The following AGMO variants were observed in gnomAD, a reference collection of about 807,000 sequenced individuals.
AGMO encodes glyceryl-ether monooxygenase.
In AGMO, 75 loss-of-function variants were observed where a neutral mutation model predicts 60.2. That is an observed-to-expected ratio of 1.25 (90% CI 1.03 to 1.51). The LOEUF (loss-of-function observed/expected upper bound fraction) is 1.51. Among genes scored for constraint, AGMO ranks in the 40% most tolerant of loss-of-function variants. AGMO has a pLI of 0.00. For synonymous variants in AGMO, 261 were observed against 177.1 expected (o/e 1.47, Z -3.76); for missense variants, 763 against 525.5 (o/e 1.45, Z -4.42).
intron 12 of AGMO, chr7:15,358,389 G>T: frequency 2.1e-6 from 1 of 471,106 alleles, no homozygotes; most frequent in Non-Finnish European, 4.4e-6. Context: ...ACGTGGAAAG[G>T]ATAATAAGAA....
chr7:15,401,050 C>T (rs554106270), intron 5 of AGMO, among the ~76,000 whole-genome samples: 1 of 152,076 alleles, frequency 6.6e-6, no homozygotes, highest in East Asian at 1.9e-4. Flanking sequence ...AAATTGATAA[C>T]CTATGTACAT....
At chr7:15,425,804 TA>T (rs1409295669) in intron 4 of AGMO, among the ~76,000 whole-genome samples, 10 of 152,172 alleles carry the variant, frequency 6.6e-5, no homozygotes, top group African/African-American at 2.4e-4. Context: ...TAATATGTTA[TA>T]AACATACTGT....
At chr7:15,298,127 T>C (rs568305957) in intron 12 of AGMO, among the ~76,000 whole-genome samples, 1 of 152,314 alleles carries the variant, frequency 6.6e-6, no homozygotes, top group East Asian at 1.9e-4. Flanking sequence ...TTTGTTTATC[T>C]TTAAAACTGA....
intron 12 of AGMO, among the ~76,000 whole-genome samples, chr7:15,301,616 T>C (rs149547344): frequency 2.0e-5 from 3 of 152,126 alleles, no homozygotes; most frequent in Non-Finnish European, 2.9e-5. Flanking sequence ...AGCAAAAGCA[T>C]AGGAATGCTA....
chr7:15,139,880 C>T, the AGMO span, among the ~76,000 whole-genome samples: 409 of 148,646 alleles, frequency 2.8e-3, 1 homozygote, highest in Admixed American at 0.016. Flanking sequence ...CACTTTCCTG[C>T]CATTAGTCAG....
chr7:15,271,762 C>A (rs1783618307), intron 12 of AGMO, among the ~76,000 whole-genome samples: 1 of 152,058 alleles, frequency 6.6e-6, no homozygotes, highest in African/African-American at 2.4e-5. Context: ...AGGGAAAATG[C>A]TTTTACATTT....
At chr7:15,145,963 TG>T in the AGMO span, among the ~76,000 whole-genome samples, 2 of 152,182 alleles carry the variant, frequency 1.3e-5, no homozygotes, top group Non-Finnish European at 2.9e-5. Flanking sequence ...GGTATTTGAT[TG>T]TTAAAATGTT....
At chr7:15,533,716 G>A (rs1247218579) in intron 3 of AGMO, among the ~76,000 whole-genome samples, 1 of 152,122 alleles carries the variant, frequency 6.6e-6, no homozygotes, top group East Asian at 1.9e-4. Context: ...CACTGCTAAT[G>A]AAATCTAATA....
At chr7:15,355,697 A>C (rs116471099) in intron 12 of AGMO, among the ~76,000 whole-genome samples, 5 of 152,206 alleles carry the variant, frequency 3.3e-5, no homozygotes, top group African/African-American at 1.2e-4. Flanking sequence ...TGTCTATCTG[A>C]ATTAATAATA....
At chr7:15,249,763 T>C (rs1229188893) in intron 12 of AGMO, among the ~76,000 whole-genome samples, 1 of 152,186 alleles carries the variant, frequency 6.6e-6, no homozygotes, top group Non-Finnish European at 1.5e-5. Context: ...TCTAGATCCA[T>C]AGTCATGTCT....
At chr7:15,192,714 C>T in the AGMO span, among the ~76,000 whole-genome samples, 9 of 152,150 alleles carry the variant, frequency 5.9e-5, no homozygotes, top group South Asian at 2.1e-4. Flanking sequence ...CACCCTTAGA[C>T]GCTACTGTGG....
chr7:15,293,871 G>T (rs78127139), intron 12 of AGMO, among the ~76,000 whole-genome samples: 2 of 152,120 alleles, frequency 1.3e-5, no homozygotes, highest in South Asian at 4.1e-4. Flanking sequence ...TTAAAATGTT[G>T]TATAAAATTT....
At chr7:15,193,651 A>G in the AGMO span, among the ~76,000 whole-genome samples, 3 of 152,146 alleles carry the variant, frequency 2.0e-5, no homozygotes, top group Non-Finnish European at 4.4e-5. Context: ...AAATTCACTA[A>G]TAACTTCAGG....
At chr7:15,320,273 CATAAA>C (rs1287398740) in intron 12 of AGMO, among the ~76,000 whole-genome samples, 6 of 151,500 alleles carry the variant, frequency 4.0e-5, no homozygotes, top group Non-Finnish European at 7.4e-5. Context: ...AAAATATACA[CATAAA>C]ATAAATAAAT....
chr7:15,151,888 A>T, the AGMO span, among the ~76,000 whole-genome samples: 1 of 152,062 alleles, frequency 6.6e-6, no homozygotes, highest in Non-Finnish European at 1.5e-5. Context: ...GATCTATCTA[A>T]CACTGTTAGT....
At chr7:15,547,738 G>C (rs1263084955) in intron 2 of AGMO, among the ~76,000 whole-genome samples, 1 of 152,022 alleles carries the variant, frequency 6.6e-6, no homozygotes, top group Admixed American at 6.5e-5. Flanking sequence ...GAGGCTGGGG[G>C]AGGGGCGCCC....
chr7:15,210,687 C>G (rs1683800669), intron 12 of AGMO, among the ~76,000 whole-genome samples: 1 of 152,014 alleles, frequency 6.6e-6, no homozygotes, highest in South Asian at 2.1e-4. Flanking sequence ...AATTTTCTGT[C>G]TTAAGATTCT....
intron 12 of AGMO, among the ~76,000 whole-genome samples, chr7:15,335,698 G>C (rs538213358): frequency 2.6e-4 from 39 of 152,254 alleles, no homozygotes; most frequent in Non-Finnish European, 4.6e-4. Context: ...ACCAGTTACT[G>C]TTAAGATTTA....
chr7:15,201,294 A>G lies in AGMO; in HGVS notation c.1329T>C (p.Pro443=). ...TATGTACAAATTCAGGTTATTTCCAAGGGTGAGAGGTGAGTTGTTTCATGC... is the reference window on the plus strand; with the variant it reads ...TATGTACAAATTCAGGTTATTTCCAGGGGTGAGAGGTGAGTTGTTTCATGC... ...VRSMKQLTSH[P]WK The change falls in exon 13 of 13, where the codon CCT becomes CCC. Residue 443 remains proline (P), a synonymous_variant. Transcript: ENST00000342526. 1 of 1,609,966 alleles carries G rather than the reference A, an allele frequency of 6.2e-7. No individual in the cohort carries two copies. Among genetic ancestry groups the G allele is most frequent in the Non-Finnish European group, 8.5e-7 (1 of 1,177,896 alleles).
Sources: gnomAD v4.1 joint callset for allele counts (sites outside exome capture counted in the v4.1 genomes callset) on GRCh38, gnomAD v4.1.1 for gene constraint, MANE v1.5 for transcripts, NCBI Gene and HGNC (gene_info 2026-07-23, HGNC 2026-07-21) for gene names.